Variants in RALGAPA2 observed in about 807,000 individuals in gnomAD.
RALGAPA2 encodes Ral GTPase activating protein catalytic subunit alpha 2, also known as ral GTPase-activating protein subunit alpha-2.
RALGAPA2 carries 139 observed loss-of-function variants against 230.4 expected under a neutral mutation model. The ratio of observed to expected loss-of-function variants is 0.60; its 90% confidence interval spans 0.53 to 0.69. The LOEUF (loss-of-function observed/expected upper bound fraction) is 0.69, where lower values mean the gene tolerates loss of function less well. RALGAPA2 is among the 30% of genes least tolerant of loss of function. The pLI is 0.00. For missense variants in RALGAPA2, 2,163 were observed against 2,276.0 expected (o/e 0.95, Z 1.01); for synonymous variants, 847 against 837.8 (o/e 1.01, Z -0.19).
At chr20:20,413,393 C>T (rs1310589439) in intron 37 of RALGAPA2, among the ~76,000 whole-genome samples, 1 of 152,166 alleles carries the variant, frequency 6.6e-6, no homozygotes, top group Admixed American at 6.5e-5. Flanking sequence ...GCAGGCTCTT[C>T]CTCTCCCTAC....
chr20:20,493,244 G>A (rs917753104), intron 36 of RALGAPA2, among the ~76,000 whole-genome samples: 11 of 152,176 alleles, frequency 7.2e-5, no homozygotes, highest in African/African-American at 2.7e-4. Context: ...AGCCACACTT[G>A]CCCTGGAAAT....
chr20:20,530,961 A>G (rs2063352579), intron 27 of RALGAPA2, among the ~76,000 whole-genome samples: 1 of 152,174 alleles, frequency 6.6e-6, no homozygotes, highest in Non-Finnish European at 1.5e-5. Flanking sequence ...GACCTAGGAA[A>G]GGATCCAGCA....
At chr20:20,642,756 T>C (rs73294794) in intron 5 of RALGAPA2, among the ~76,000 whole-genome samples, 1,693 of 152,278 alleles carry the variant, frequency 0.011, 30 homozygotes, top group African/African-American at 0.039. Flanking sequence ...TCGTTTTTTT[T>C]CAACATGTAA....
chr20:20,424,141 A>C (rs1243320992), intron 37 of RALGAPA2, among the ~76,000 whole-genome samples: 2 of 152,204 alleles, frequency 1.3e-5, no homozygotes, highest in African/African-American at 4.8e-5. Flanking sequence ...TGTTATTAGA[A>C]ATGTTCAAAT....
chr20:20,452,872 T>C (rs1602409124), intron 37 of RALGAPA2, among the ~76,000 whole-genome samples: 1 of 152,192 alleles, frequency 6.6e-6, no homozygotes, highest in East Asian at 1.9e-4. Flanking sequence ...ACAGGCATCT[T>C]TGGGTCCTGA....
At position 20,605,202 on chromosome 20, in the gene RALGAPA2, G is replaced by C; in HGVS notation, c.2011C>G (p.Gln671Glu). 6.2e-7 allele frequency: 1 copy of C among 1,612,354 alleles called. No individual in the cohort carries two copies. The highest frequency in any genetic ancestry group is 1.1e-5 in the South Asian group (1 of 90,848). Residue 671 changes from glutamine (Q) to glutamate (E), a missense_variant, in exon 15 of 40, where the codon CAA (glutamine) becomes GAA (glutamate). Transcript: ENST00000202677. ...TTGCCTCGTTGCTTCTTTTCCTTTT[G>C]TTCACTTAATTTATCCAGAGGTAGG... ...TNLPLDKLSE[Q>E]KEKKQRGKGC...
At chr20:20,545,038 A>C (rs1167866196) in intron 24 of RALGAPA2, among the ~76,000 whole-genome samples, 1 of 152,234 alleles carries the variant, frequency 6.6e-6, no homozygotes, top group Non-Finnish European at 1.5e-5. Context: ...TGAGTATTTC[A>C]ATAAAGAAGT....
chr20:20,600,762 A>G (rs1176605646), intron 16 of RALGAPA2, among the ~76,000 whole-genome samples: 1 of 152,244 alleles, frequency 6.6e-6, no homozygotes, highest in African/African-American at 2.4e-5. Context: ...TTCTTATTAA[A>G]TGCCGTATAC....
chr20:20,413,332 C>G (rs1414469836), intron 37 of RALGAPA2, among the ~76,000 whole-genome samples: 1 of 152,170 alleles, frequency 6.6e-6, no homozygotes. Context: ...TTTAAATGGT[C>G]AAATACTTTT....
intron 23 of RALGAPA2, among the ~76,000 whole-genome samples, chr20:20,552,373 T>C (rs1159027001): frequency 1.3e-5 from 2 of 152,074 alleles, no homozygotes; most frequent in African/African-American, 2.4e-5. Flanking sequence ...AAAATCTGCA[T>C]ATGAAAAATC....
chr20:20,687,402 T>A (rs556425380), intron 1 of RALGAPA2, among the ~76,000 whole-genome samples: 1 of 152,318 alleles, frequency 6.6e-6, no homozygotes, highest in African/African-American at 2.4e-5. Flanking sequence ...CATTCCTTCC[T>A]TCCATCCACA....
At chr20:20,457,203 C>T (rs1197673968) in intron 37 of RALGAPA2, among the ~76,000 whole-genome samples, 1 of 152,098 alleles carries the variant, frequency 6.6e-6, no homozygotes, top group Non-Finnish European at 1.5e-5. Flanking sequence ...GGAGAGGGAG[C>T]GAGGGGCTGG....
At chr20:20,552,457 T>C (rs1009731793) in intron 23 of RALGAPA2, among the ~76,000 whole-genome samples, 1 of 152,214 alleles carries the variant, frequency 6.6e-6, no homozygotes, top group African/African-American at 2.4e-5. Context: ...ATCACTGTTT[T>C]TTAGAGAAGA....
chr20:20,604,150 CCTCA>C (rs1216003333), intron 15 of RALGAPA2, among the ~76,000 whole-genome samples: 3 of 152,196 alleles, frequency 2.0e-5, no homozygotes, highest in Non-Finnish European at 4.4e-5. Context: ...TTCCCTGCAA[CCTCA>C]CTCATTTTGA....
At chr20:20,556,311 T>C (rs2064081815) in intron 23 of RALGAPA2, among the ~76,000 whole-genome samples, 1 of 152,172 alleles carries the variant, frequency 6.6e-6, no homozygotes, top group Admixed American at 6.5e-5. Context: ...GGGGCTGCTG[T>C]CTTTCACGTG....
rs766472810 is a variant in RALGAPA2, at chr20:20,524,460, T to C, written c.3846A>G (p.Ala1282=). The change falls in exon 30 of 40, where the codon GCA becomes GCG. Residue 1282 remains alanine, a synonymous_variant. Coordinates refer to ENST00000202677, the MANE Select transcript of RALGAPA2 (RefSeq NM_020343.4). ...VSVLLHPVST[A]VLEEQHSARA... ...TGGCCGAATGCTGCTCCTCTAGGACTGCTGTGGACACGGGGTGGAGAAGGA... is the reference window on the plus strand; with the variant it reads ...TGGCCGAATGCTGCTCCTCTAGGACCGCTGTGGACACGGGGTGGAGAAGGA... 2.2e-5 allele frequency: 36 copies of C among 1,613,932 alleles called. No homozygotes were observed. Among genetic ancestry groups the C allele is most frequent in the Non-Finnish European group, 3.1e-5 (36 of 1,179,870 alleles).
At chr20:20,533,076 G>C (rs1283223503) in intron 26 of RALGAPA2, among the ~76,000 whole-genome samples, 1 of 150,426 alleles carries the variant, frequency 6.6e-6, no homozygotes, top group Non-Finnish European at 1.5e-5. Flanking sequence ...ATGGGATGGG[G>C]AAATGAAGGC....
chr20:20,524,146 T>C (rs375786157), intron 30 of RALGAPA2, among the ~76,000 whole-genome samples: 6 of 152,122 alleles, frequency 3.9e-5, no homozygotes, highest in African/African-American at 1.4e-4. Flanking sequence ...TTAGTAGAGA[T>C]GGGGTTTCAC....
At chr20:20,494,821 T>C (rs1471360388) in intron 36 of RALGAPA2, among the ~76,000 whole-genome samples, 3 of 152,216 alleles carry the variant, frequency 2.0e-5, no homozygotes, top group Non-Finnish European at 4.4e-5. Flanking sequence ...ATACAATTTT[T>C]CAAAAGTACA....
Sources: allele counts gnomAD v4.1 joint callset (sites outside exome capture counted in the v4.1 genomes callset), GRCh38; gene constraint gnomAD v4.1.1; transcripts MANE v1.5; gene names NCBI Gene and HGNC (gene_info 2026-07-23, HGNC 2026-07-21).